DNAH14: variants seen among roughly 807,000 people sequenced by gnomAD.
DNAH14 encodes the protein dynein axonemal heavy chain 14.
A neutral mutation model predicts 520.9 loss-of-function variants in DNAH14; 478 were observed. The observed-to-expected ratio is 0.92, with a 90% CI of 0.85 to 0.99. The LOEUF is 0.99. Among genes scored for constraint, DNAH14 ranks in the 50% least tolerant of loss-of-function variants. The probability of loss-of-function intolerance (pLI) is 0.00; values close to 1 mark genes in which losing one functional copy is unlikely to be tolerated. For synonymous variants in DNAH14, 1,581 were observed against 1,757.2 expected, an observed-to-expected ratio of 0.90 and a Z score of 2.51; for missense variants, 4,831 against 5,234.5, an observed-to-expected ratio of 0.92 and a Z score of 2.38.
At position 225,335,383 on chromosome 1, in the gene DNAH14, GCA is replaced by G. The variant is rs1239363952; in HGVS notation, c.10080+1880_10081-1879del. On this transcript the variant is annotated intron_variant, in intron 66 of 85. Coordinates refer to ENST00000682510, the MANE Select transcript of DNAH14 (RefSeq NM_001367479.1). The stretch of plus-strand genomic sequence containing the variant: ...TACACGTGTACATGTGTGTGTATAT[GCA>G]CATATACACATGTGTACATGTGTGT... 1.5e-4 allele frequency among the ~76,000 whole-genome samples: 15 copies of G among 101,726 alleles called. 4 individuals carry two copies. Among genetic ancestry groups the G allele is most frequent in the Admixed American group, 1.0e-3 (10 of 9,918 alleles). 66.7% of individuals were successfully genotyped at this position (101,726 alleles called of 152,430 possible). A position where few individuals can be genotyped will look rare whatever the true frequency, so the allele number is the denominator to read the frequency against.
intron 6 of DNAH14, chr1:224,967,884 G>A: frequency 7.8e-7 from 1 of 1,278,150 alleles, no homozygotes; most frequent in Non-Finnish European, 9.9e-7. Context: ...CTAGCTTAAT[G>A]GGAACTATAA....
intron 27 of DNAH14, among the ~76,000 whole-genome samples, chr1:225,133,490 C>T (rs573670325): frequency 1.2e-4 from 18 of 152,288 alleles, no homozygotes; most frequent in African/African-American, 4.3e-4. Flanking sequence ...GAAATCCTTT[C>T]CCCGTTGCTT....
rs1465918506 is a variant in DNAH14, at chr1:225,140,985, A to C, written c.4472A>C (p.Lys1491Thr). 1.9e-6 allele frequency: 3 copies of C among 1,550,602 alleles called. No individual in the cohort carries two copies. In the African/African-American group the frequency reaches 4.1e-5, roughly 21 times the overall value. The change falls in exon 28 of 86, where the codon AAA becomes ACA. Residue 1491 changes from lysine to threonine, a missense_variant. By Grantham distance (78) the Lys-to-Thr change is moderately conservative (BLOSUM62 -1). Transcript: ENST00000682510. The part of the protein sequence containing the change: ...CRDIVINLLL[K>T]NIFNAEDFEW... The stretch of plus-strand genomic sequence containing the variant: ...GATATAGTGATAAATTTACTACTTA[A>C]AAATATCTTCAATGCAGAGGATTTT...
At chr1:225,051,290 AG>A (rs1450777719) in intron 16 of DNAH14, among the ~76,000 whole-genome samples, 160 bp from the exon 17 acceptor site, 1 of 152,208 alleles carries the variant, frequency 6.6e-6, no homozygotes, top group Non-Finnish European at 1.5e-5. Flanking sequence ...AATTTCTTAA[AG>A]TCTTGTGTTT....
At chr1:225,387,886 C>G (rs6661263) in intron 81 of DNAH14, among the ~76,000 whole-genome samples, 148,672 of 152,194 alleles carry the variant, frequency 0.98, 72,715 homozygotes, top group Middle Eastern at 1. Context: ...AGTTAAGATG[C>G]AAGGGAGCGT....
At chr1:224,965,088 G>C (rs1335833791) in intron 5 of DNAH14, among the ~76,000 whole-genome samples, 1 of 151,980 alleles carries the variant, frequency 6.6e-6, no homozygotes, top group Non-Finnish European at 1.5e-5. Context: ...TCTTTCTTCA[G>C]AGAAATTTTA....
At chr1:225,253,099 A>G (rs2092613724) in intron 44 of DNAH14, among the ~76,000 whole-genome samples, 1 of 152,208 alleles carries the variant, frequency 6.6e-6, no homozygotes, top group African/African-American at 2.4e-5. Flanking sequence ...AGCTATCAGA[A>G]TGCTAAAGCA....
At chr1:225,007,621 GA>G in intron 10 of DNAH14, 77 bp downstream of exon 10, 1 of 1,226,426 alleles carries the variant, frequency 8.2e-7, no homozygotes, top group Non-Finnish European at 1.1e-6. Context: ...TGCATCCCTG[GA>G]AAAAGTATCT....
rs917754029 is a variant in DNAH14, at chr1:225,398,526, G to A, written c.13498G>A (p.Ala4500Thr). The change falls in exon 85 of 86, where the codon GCT (alanine) becomes ACT (threonine). Residue 4500 changes from alanine (A) to threonine (T), a missense_variant. By Grantham distance (58) the Ala-to-Thr change is moderately conservative (BLOSUM62 0). Transcript: ENST00000682510. ...NIVRRAFKGS[A>T]SSHTGVYIFG... ...CACCTCTCTTCCATCTTAGGGCTCA[G>A]CTTCCTCTCACACTGGAGTTTACAT... 1.9e-6 allele frequency: 3 copies of A among 1,551,562 alleles called. No individual in the cohort carries two copies. Among genetic ancestry groups the A allele is most frequent in the Non-Finnish European group, 2.6e-6 (3 of 1,146,978 alleles).
At chr1:225,336,528 T>G (rs1369146098) in intron 66 of DNAH14, among the ~76,000 whole-genome samples, 1 of 152,182 alleles carries the variant, frequency 6.6e-6, no homozygotes, top group Non-Finnish European at 1.5e-5. Flanking sequence ...AGTGAAAGAT[T>G]TTAACACCTT....
At chr1:225,357,076 C>T (rs1167639991) in intron 73 of DNAH14, among the ~76,000 whole-genome samples, 1 of 152,120 alleles carries the variant, frequency 6.6e-6, no homozygotes, top group Admixed American at 6.6e-5. Flanking sequence ...TAGAAAGAAG[C>T]TTGCCCTAGA....
intron 69 of DNAH14, among the ~76,000 whole-genome samples, chr1:225,344,306 G>T (rs966027949): frequency 2.0e-5 from 3 of 150,410 alleles, no homozygotes; most frequent in African/African-American, 7.4e-5. Context: ...GGGGTTTGTT[G>T]TACAGATTAT....
chr1:225,012,753 G>A (rs903214418), intron 10 of DNAH14, among the ~76,000 whole-genome samples: 3 of 151,834 alleles, frequency 2.0e-5, no homozygotes, highest in African/African-American at 7.3e-5. Flanking sequence ...TGATTGCTTT[G>A]GCTGTTGATG....
At chr1:225,307,604 A>G in intron 59 of DNAH14, 35 bp downstream of exon 59, 1 of 1,457,400 alleles carries the variant, frequency 6.9e-7, no homozygotes, top group Non-Finnish European at 9.2e-7. Flanking sequence ...TAAAGATTTT[A>G]TAGTCTAATA....
Position 225,171,737 on chromosome 1 carries a change from A to G in DNAH14, c.5535+3709A>G, listed in dbSNP as rs377677208. On this transcript the variant is annotated intron_variant, in intron 36 of 85. Transcript: ENST00000682510. ...TCCTTCTGAAACTATTCCAATCAAT[A>G]GAAAAAGAGGGAATCCTCCCTAACT... 4.7e-4 allele frequency among the ~76,000 whole-genome samples: 72 copies of G among 152,334 alleles called. No homozygotes were observed. In the East Asian group the frequency reaches 7.7e-3, roughly 16 times the overall value.
chr1:225,102,357 G>T (rs528442879), intron 23 of DNAH14, among the ~76,000 whole-genome samples: 1 of 152,152 alleles, frequency 6.6e-6, no homozygotes, highest in Non-Finnish European at 1.5e-5. Context: ...ACATACGTGT[G>T]CATGTGTCTT....
intron 33 of DNAH14, among the ~76,000 whole-genome samples, chr1:225,153,518 G>A (rs1054899883): frequency 2.0e-5 from 3 of 151,862 alleles, no homozygotes; most frequent in African/African-American, 7.3e-5. Flanking sequence ...TTCAGATACC[G>A]ATATTTCTTA....
chr1:224,963,747 A>C (rs899146544), intron 4 of DNAH14, among the ~76,000 whole-genome samples: 2 of 152,112 alleles, frequency 1.3e-5, no homozygotes, highest in Non-Finnish European at 2.9e-5. Context: ...CCTAGGGCAC[A>C]AAATGTAAAG....
chr1:225,291,886 G>C (rs927193397), intron 55 of DNAH14, among the ~76,000 whole-genome samples: 2 of 151,982 alleles, frequency 1.3e-5, no homozygotes, highest in Non-Finnish European at 1.5e-5. Context: ...AGAAATATCT[G>C]TTCACATCAT....
Sources: allele counts gnomAD v4.1 joint callset (sites outside exome capture counted in the v4.1 genomes callset), GRCh38; gene constraint gnomAD v4.1.1; transcripts MANE v1.5; gene names NCBI Gene and HGNC (gene_info 2026-07-23, HGNC 2026-07-21).